DAB1: variants seen among roughly 807,000 people sequenced by gnomAD.
DAB1 encodes disabled homolog 1.
A neutral mutation model predicts 64.6 loss-of-function variants in DAB1; 15 were observed. That is an observed-to-expected ratio of 0.23 (90% confidence interval 0.16 to 0.36). The LOEUF (loss-of-function observed/expected upper bound fraction) is 0.36, where lower values mean the gene tolerates loss of function less well. DAB1 is among the 10% of genes least tolerant of loss of function. The pLI is 1.00. For missense variants in DAB1, 596 were observed against 706.7 expected (o/e 0.84, Z 1.78); for synonymous variants, 235 against 251.9 (o/e 0.93, Z 0.64).
At chr1:57,884,832 GCT>G (rs1380389895), upstream of DAB1, among the ~76,000 whole-genome samples, 27 of 152,202 alleles carry the variant, frequency 1.8e-4, no homozygotes, top group African/African-American at 6.0e-4. Flanking sequence ...GTGAGTTCTC[GCT>G]CTGTTAGTTC....
rs76088851 is a variant in DAB1, at chr1:58,198,802, A to C, written n.310-48214T>G. Among the ~76,000 whole-genome samples the C allele has an allele frequency of 7.4e-3, 1,134 of 152,316 alleles. 43 individuals carry two copies. In the South Asian group the frequency reaches 0.097, roughly 13 times the overall value. Reference sequence around the variant, plus strand: ...AGCTCTCTTATTTCTGCTAGCTTGGATGAATTTAAAGGATACATGCTGGAT... The same window carrying C: ...AGCTCTCTTATTTCTGCTAGCTTGGCTGAATTTAAAGGATACATGCTGGAT... On this transcript the variant is annotated intron_variant and non_coding_transcript_variant, in intron 4 of 20. Transcript: ENST00000485760.
intron 7 of DAB1, among the ~76,000 whole-genome samples, chr1:57,592,707 A>C (rs144078458): frequency 6.6e-6 from 1 of 152,204 alleles, no homozygotes; most frequent in African/African-American, 2.4e-5. Context: ...CCAATATAAT[A>C]CAGGCTTGTT....
intron 5 of DAB1, among the ~76,000 whole-genome samples, chr1:57,949,175 G>A (rs1645229334): frequency 6.6e-6 from 1 of 152,036 alleles, no homozygotes; most frequent in Non-Finnish European, 1.5e-5. Flanking sequence ...GGGGGGGCTG[G>A]GGGGATGGTT....
chr1:57,381,313 C>A (rs3909556), intron 1 of DAB1, among the ~76,000 whole-genome samples: 1 of 151,950 alleles, frequency 6.6e-6, no homozygotes, highest in Non-Finnish European at 1.5e-5. Context: ...AACAGAAATG[C>A]AGGGAACAAG....
chr1:57,186,633 G>A (rs1663591486), intron 2 of DAB1, among the ~76,000 whole-genome samples: 1 of 152,130 alleles, frequency 6.6e-6, no homozygotes, highest in South Asian at 2.1e-4. Context: ...ATCCAACTAA[G>A]GCCAAAACCT....
intron 1 of DAB1, among the ~76,000 whole-genome samples, chr1:57,342,172 G>A (rs1456760828): frequency 6.6e-6 from 1 of 152,092 alleles, no homozygotes; most frequent in African/African-American, 2.4e-5. Flanking sequence ...GCCTTTGTGG[G>A]AGACCATTTC....
At chr1:57,727,021 A>G (rs1647221580) in intron 6 of DAB1, among the ~76,000 whole-genome samples, 1 of 152,206 alleles carries the variant, frequency 6.6e-6, no homozygotes, top group South Asian at 2.1e-4. Flanking sequence ...TTATGAAAAG[A>G]ACACTAAGGC....
At chr1:57,413,743 CAA>C (rs58388088) in intron 1 of DAB1, among the ~76,000 whole-genome samples, 6,048 of 63,938 alleles carry the variant, frequency 0.095, 116 homozygotes, top group Non-Finnish European at 0.14. Flanking sequence ...GACTCTGTCT[CAA>C]AAAAAAAAAA....
At chr1:58,412,294 T>C (rs11207224) in intron 3 of DAB1, among the ~76,000 whole-genome samples, 41,475 of 150,042 alleles carry the variant, frequency 0.28, 6,035 homozygotes, top group Middle Eastern at 0.3. Flanking sequence ...CCTGAGCTCC[T>C]GGATGGAGGC....
intron 7 of DAB1, among the ~76,000 whole-genome samples, chr1:57,591,239 C>T (rs1309776319): frequency 6.6e-6 from 1 of 152,178 alleles, no homozygotes; most frequent in Admixed American, 6.5e-5. Flanking sequence ...AACCCTCTAC[C>T]CTCTCTGATG....
intron 2 of DAB1, among the ~76,000 whole-genome samples, chr1:58,513,232 C>T (rs1029266951): frequency 2.0e-5 from 3 of 152,142 alleles, no homozygotes; most frequent in African/African-American, 7.2e-5. Context: ...TGCTCTTACA[C>T]ACTCTTCCTC....
At chr1:58,291,132 C>T (rs1661823455) in intron 4 of DAB1, among the ~76,000 whole-genome samples, 1 of 152,172 alleles carries the variant, frequency 6.6e-6, no homozygotes, top group Non-Finnish European at 1.5e-5. Flanking sequence ...TCCTCGACAT[C>T]GTAATACAGA....
intron 2 of DAB1, among the ~76,000 whole-genome samples, chr1:57,180,711 C>T (rs1380421210): frequency 6.6e-6 from 1 of 152,064 alleles, no homozygotes; most frequent in Non-Finnish European, 1.5e-5. Context: ...CTCCTGAGTA[C>T]CCACAACCTT....
intron 7 of DAB1, among the ~76,000 whole-genome samples, chr1:57,546,034 G>A (rs143590653): frequency 0.011 from 1,679 of 151,802 alleles, 19 homozygotes; most frequent in Non-Finnish European, 0.016. Flanking sequence ...AGCATGAAAG[G>A]AATGAATAAA....
intron 4 of DAB1, among the ~76,000 whole-genome samples, chr1:58,313,301 T>C (rs1463517493): frequency 6.6e-6 from 1 of 152,102 alleles, no homozygotes. Context: ...ACTTTGGGGC[T>C]AGTAGTAGGT....
intron 4 of DAB1, among the ~76,000 whole-genome samples, chr1:57,084,208 T>C (rs144366931): frequency 2.4e-4 from 36 of 152,282 alleles, no homozygotes; most frequent in African/African-American, 8.2e-4. Flanking sequence ...ATGAATGGTG[T>C]CCTTATAAAA....
chr1:57,254,831 G>A (rs1669636454), intron 2 of DAB1, among the ~76,000 whole-genome samples: 1 of 151,774 alleles, frequency 6.6e-6, no homozygotes, highest in Non-Finnish European at 1.5e-5. Context: ...AATAAATAAT[G>A]TTTCTACTCA....
intron 1 of DAB1, among the ~76,000 whole-genome samples, chr1:57,359,660 T>C (rs1679390439): frequency 6.6e-6 from 1 of 151,952 alleles, no homozygotes; most frequent in African/African-American, 2.4e-5. Flanking sequence ...GCAATACATT[T>C]ATAATAGCCA....
chr1:57,472,991 G>A (rs937493685), intron 7 of DAB1, among the ~76,000 whole-genome samples: 1 of 152,060 alleles, frequency 6.6e-6, no homozygotes, highest in African/African-American at 2.4e-5. Context: ...GAGTAGGAAG[G>A]GTTTGCTTTA....
Sources: gnomAD v4.1 joint callset for allele counts (sites outside exome capture counted in the v4.1 genomes callset) on GRCh38, gnomAD v4.1.1 for gene constraint, MANE v1.5 for transcripts, NCBI Gene and HGNC (gene_info 2026-07-23, HGNC 2026-07-21) for gene names.